The following AUTS2 variants were observed in gnomAD, a reference collection of about 807,000 sequenced individuals.
The protein encoded by AUTS2 is activator of transcription and developmental regulator AUTS2.
In AUTS2, 17 loss-of-function variants were observed where a neutral mutation model predicts 112.4. That is an observed-to-expected ratio of 0.15 (90% confidence interval 0.10 to 0.23). The LOEUF (loss-of-function observed/expected upper bound fraction) is 0.23, where lower values mean the gene tolerates loss of function less well. AUTS2 is among the 10% of genes least tolerant of loss of function. AUTS2 has a pLI of 1.00. For missense variants in AUTS2, 1,510 were observed against 1,701.6 expected (o/e 0.89, Z 1.98); for synonymous variants, 751 against 702.7 (o/e 1.07, Z -1.09).
chr7:69,671,658 T>A (rs1021004125), intron 1 of AUTS2, among the ~76,000 whole-genome samples: 2 of 152,098 alleles, frequency 1.3e-5, no homozygotes, highest in African/African-American at 4.8e-5. Flanking sequence ...GACTGACTGG[T>A]ATGGCTATTG....
At chr7:69,727,339 C>T (rs1056958387) in intron 1 of AUTS2, among the ~76,000 whole-genome samples, 2 of 152,118 alleles carry the variant, frequency 1.3e-5, no homozygotes, top group African/African-American at 4.8e-5. Context: ...CACCTGTAAT[C>T]CCAGCACTTT....
chr7:70,036,536 C>T (rs893030632), intron 2 of AUTS2, among the ~76,000 whole-genome samples: 6 of 152,186 alleles, frequency 3.9e-5, no homozygotes, highest in Non-Finnish European at 7.3e-5. Context: ...CACCTTGTTT[C>T]TCCTCTCTCT....
chr7:70,173,007 G>A (rs1212480899), intron 4 of AUTS2, among the ~76,000 whole-genome samples: 1 of 152,168 alleles, frequency 6.6e-6, no homozygotes, highest in Non-Finnish European at 1.5e-5. Context: ...TGGCCAGAGT[G>A]AGGGTGTATA....
intron 2 of AUTS2, among the ~76,000 whole-genome samples, chr7:69,990,286 T>G (rs1431521653): frequency 6.6e-6 from 1 of 152,200 alleles, no homozygotes; most frequent in Non-Finnish European, 1.5e-5. Context: ...TATTTTGCGG[T>G]CAATTTGTTT....
intron 1 of AUTS2, among the ~76,000 whole-genome samples, chr7:69,650,413 T>A (rs548714191): frequency 2.0e-5 from 3 of 152,288 alleles, no homozygotes; most frequent in African/African-American, 7.2e-5. Flanking sequence ...AGCCTTCCTA[T>A]CCCAGGCCTT....
At chr7:70,340,195 C>CACACACACACACACACA (rs1562892230) in intron 4 of AUTS2, among the ~76,000 whole-genome samples, 3 of 150,478 alleles carry the variant, frequency 2.0e-5, no homozygotes, top group Admixed American at 6.6e-5. Context: ...CACACACACA[C>CACACACACACACACACA]CCCGTAATAA....
At chr7:69,874,722 G>A (rs1232390940) in intron 1 of AUTS2, among the ~76,000 whole-genome samples, 1 of 152,026 alleles carries the variant, frequency 6.6e-6, no homozygotes, top group East Asian at 1.9e-4. Flanking sequence ...GCAGTGACGC[G>A]ATCTCGGCTT....
At chr7:70,182,511 A>AT (rs1428389695) in intron 4 of AUTS2, among the ~76,000 whole-genome samples, 2 of 152,226 alleles carry the variant, frequency 1.3e-5, no homozygotes, top group Non-Finnish European at 2.9e-5. Flanking sequence ...GTAGGACCTC[A>AT]TTAATTAAAA....
intron 4 of AUTS2, among the ~76,000 whole-genome samples, chr7:70,407,849 T>C (rs1276426884): frequency 3.3e-5 from 5 of 151,892 alleles, no homozygotes; most frequent in Admixed American, 1.3e-4. Flanking sequence ...GGTCAGGAGA[T>C]CGAGACCATC....
chr7:70,230,110 T>C (rs1395216026), intron 4 of AUTS2, among the ~76,000 whole-genome samples: 1 of 152,124 alleles, frequency 6.6e-6, no homozygotes, highest in Non-Finnish European at 1.5e-5. Flanking sequence ...CCTTTTGGAA[T>C]GGTAAAATTT....
chr7:69,678,905 G>A (rs1013425486), intron 1 of AUTS2, among the ~76,000 whole-genome samples: 1 of 152,186 alleles, frequency 6.6e-6, no homozygotes. Context: ...AGCTTTTGCC[G>A]ATAATGCTGC....
intron 4 of AUTS2, among the ~76,000 whole-genome samples, chr7:70,275,055 T>C (rs1193523022): frequency 1.3e-5 from 2 of 152,196 alleles, no homozygotes; most frequent in African/African-American, 4.8e-5. Flanking sequence ...AATATTGTTG[T>C]TACTTTTGTT....
At chr7:70,418,956 G>A (rs1030747993) in intron 4 of AUTS2, among the ~76,000 whole-genome samples, 5 of 151,650 alleles carry the variant, frequency 3.3e-5, no homozygotes, top group Admixed American at 3.3e-4. Flanking sequence ...AATAATAAAA[G>A]TAGCAGTTTT....
intron 1 of AUTS2, among the ~76,000 whole-genome samples, chr7:69,612,977 G>T (rs1357657920): frequency 6.6e-6 from 1 of 152,038 alleles, no homozygotes; most frequent in South Asian, 2.1e-4. Context: ...TTTACTATTC[G>T]CCTTGTGCCA....
At chr7:69,743,250 G>T (rs1787344025) in intron 1 of AUTS2, among the ~76,000 whole-genome samples, 1 of 152,134 alleles carries the variant, frequency 6.6e-6, no homozygotes, top group East Asian at 1.9e-4. Context: ...AGACTAGATG[G>T]GTTGACACAC....
At chr7:70,404,214 A>T (rs1014048711) in intron 4 of AUTS2, among the ~76,000 whole-genome samples, 1 of 152,118 alleles carries the variant, frequency 6.6e-6, no homozygotes, top group African/African-American at 2.4e-5. Context: ...TCTAAGCATG[A>T]GTTAAGAGAT....
At chr7:69,859,428 G>A (rs1792878026) in intron 1 of AUTS2, among the ~76,000 whole-genome samples, 1 of 152,174 alleles carries the variant, frequency 6.6e-6, no homozygotes. Context: ...ACTGACCTCA[G>A]AATTTGATGA....
chr7:69,894,360 A>G (rs1255035277), intron 1 of AUTS2, among the ~76,000 whole-genome samples: 2 of 119,914 alleles, frequency 1.7e-5, no homozygotes, highest in African/African-American at 6.5e-5. Flanking sequence ...TTTTATCTTT[A>G]CCCTGTTAGG....
chr7:69,737,883 T>C (rs916597743), intron 1 of AUTS2, among the ~76,000 whole-genome samples: 2 of 152,192 alleles, frequency 1.3e-5, no homozygotes, highest in Non-Finnish European at 2.9e-5. Context: ...TGAGAGAACA[T>C]CCTAACTGGG....
Sources: gnomAD v4.1 joint callset for allele counts (sites outside exome capture counted in the v4.1 genomes callset) on GRCh38, gnomAD v4.1.1 for gene constraint, MANE v1.5 for transcripts, NCBI Gene and HGNC (gene_info 2026-07-23, HGNC 2026-07-21) for gene names.